Variants in JAK1 observed in about 807,000 individuals in gnomAD.
The protein encoded by JAK1 is tyrosine-protein kinase JAK1.
JAK1 carries 16 observed loss-of-function variants against 136.6 expected under a neutral mutation model. That is an observed-to-expected ratio of 0.12 (90% CI 0.08 to 0.18). JAK1 has a LOEUF of 0.18. Ranked by LOEUF, JAK1 falls within the 10% of genes least tolerant of loss-of-function variation. The pLI, the probability that JAK1 is intolerant of heterozygous loss-of-function variation, is 1.00. For missense variants in JAK1, 859 were observed against 1,450.1 expected (o/e 0.59, Z 6.62); for synonymous variants, 492 against 519.5 (o/e 0.95, Z 0.72).
intron 1 of JAK1, among the ~76,000 whole-genome samples, chr1:64,898,777 A>T (rs1645063033): frequency 6.6e-6 from 1 of 152,210 alleles, no homozygotes; most frequent in Non-Finnish European, 1.5e-5. Context: ...AAGCTCTCTG[A>T]TGTATGTCCA....
chr1:64,894,178 C>T (rs1483249018), intron 1 of JAK1, among the ~76,000 whole-genome samples: 1 of 152,210 alleles, frequency 6.6e-6, no homozygotes, highest in Non-Finnish European at 1.5e-5. Context: ...CAGGACTGGA[C>T]TCCCAACTCT....
rs944169508 is a variant in JAK1, at chr1:64,866,975, G to A, written c.881C>T (p.Ser294Leu). The change falls in exon 7 of 25, where the codon TCA (serine) becomes TTA (leucine). Residue 294 changes from serine (S) to leucine (L), a missense_variant. Physicochemically the swap from Ser to Leu is moderately radical, Grantham distance 145. This residue lies in a region of JAK1 where 353 missense variants were observed against 494.0 expected (regional missense o/e 0.71). Transcript: ENST00000342505. ...EIFETSMLLI[S>L]SENEMNWFHS... is the part of the protein sequence containing the mutation. ...AAACCAATTCATCTCATTTTCTGAT[G>A]AAATCAGTAACATGGAAGTCTCAAA... 3 of 1,614,004 alleles carry A rather than the reference G, an allele frequency of 1.9e-6. No individual in the cohort carries two copies. In the African/African-American group the frequency reaches 4.0e-5, roughly 22 times the overall value.
At chr1:64,972,367 G>A (rs1646459931) in intron 2 of JAK1, 2 of 152,320 alleles carry the variant, frequency 1.3e-5, no homozygotes, top group Admixed American at 6.5e-5. Flanking sequence ...GCTTTTCAGG[G>A]CAGTGTAGAT....
At chr1:64,957,596 G>C (rs901621955) in intron 1 of JAK1, among the ~76,000 whole-genome samples, 2 of 151,860 alleles carry the variant, frequency 1.3e-5, no homozygotes, top group Non-Finnish European at 2.9e-5. Flanking sequence ...GGATCACGAG[G>C]TCAGGAGATC....
Position 64,860,929 on chromosome 1 carries a change from C to CGT in JAK1, c.1177-669_1177-668dup, listed in dbSNP as rs577274261. 7.7e-3 allele frequency among the ~76,000 whole-genome samples: 371 copies of CGT among 48,360 alleles called. 26 individuals carry two copies. Among genetic ancestry groups the CGT allele is most frequent in the South Asian group, 0.02 (31 of 1,550 alleles). 31.7% of individuals were successfully genotyped at this position (48,360 alleles called of 152,430 possible). A position where few individuals can be genotyped will look rare whatever the true frequency, so the allele number is the denominator to read the frequency against. On this transcript the variant is annotated intron_variant, in intron 8 of 24. Coordinates refer to ENST00000342505, the MANE Select transcript of JAK1 (RefSeq NM_002227.4). ...ATGCAGAGAAGCTGTCCCCTGGGTC[C>CGT]GTGTGTGTGTGTGTGTGTGTGTGTG...
rs1654594736 is a variant in JAK1, at chr1:64,837,952, G to A, written c.3120C>T (p.Asp1040=). 5 of 1,613,660 alleles carry A rather than the reference G, an allele frequency of 3.1e-6. No homozygotes were observed. The highest frequency in any genetic ancestry group is 4.2e-6 in the Non-Finnish European group (5 of 1,179,692). ...TDKEYYTVKD[D]RDSPVFWYAP... The stretch of plus-strand genomic sequence containing the variant: ...GTTACCAAAACACAGGGCTGTCCCG[G>A]TCATCCTTGACGGTGTAATACTCCT... Residue 1040 remains aspartate, a synonymous_variant, in exon 22 of 25, where the codon GAC becomes GAT. Coordinates refer to ENST00000342505, the MANE Select transcript of JAK1 (RefSeq NM_002227.4).
intron 2 of JAK1, among the ~76,000 whole-genome samples, chr1:64,981,231 G>A (rs948955481): frequency 5.3e-5 from 8 of 152,128 alleles, no homozygotes; most frequent in African/African-American, 1.7e-4. Flanking sequence ...GGGTTTTTTG[G>A]ACCTTTCTAA....
At chr1:65,054,612 T>C (rs1053584413) in intron 1 of JAK1, among the ~76,000 whole-genome samples, 5 of 152,112 alleles carry the variant, frequency 3.3e-5, no homozygotes, top group African/African-American at 4.8e-5. Flanking sequence ...TCAGGAGTGG[T>C]AGCATAACTC....
At chr1:65,048,999 G>C (rs1289397723) in intron 1 of JAK1, among the ~76,000 whole-genome samples, 2 of 152,192 alleles carry the variant, frequency 1.3e-5, no homozygotes, top group African/African-American at 4.8e-5. Context: ...CCACCCCTAA[G>C]GCAACGGGAT....
intron 2 of JAK1, among the ~76,000 whole-genome samples, chr1:64,975,929 G>C (rs1646494448): frequency 6.6e-6 from 1 of 152,312 alleles, no homozygotes; most frequent in South Asian, 2.1e-4. Context: ...AAGTGCCCTG[G>C]TGGCAGCAGT....
chr1:64,951,083 T>C (rs1646078040), intron 1 of JAK1, among the ~76,000 whole-genome samples: 1 of 152,244 alleles, frequency 6.6e-6, no homozygotes, highest in South Asian at 2.1e-4. Context: ...TTCAGGTTCA[T>C]GGTGGGCCTG....
At chr1:64,998,513 A>G (rs574731162) in intron 2 of JAK1, among the ~76,000 whole-genome samples, 1 of 152,348 alleles carries the variant, frequency 6.6e-6, no homozygotes, top group South Asian at 2.1e-4. Context: ...AGGAAACTGA[A>G]GTAATCTCTG....
chr1:64,898,504 A>AT (rs1645058904), intron 1 of JAK1, among the ~76,000 whole-genome samples: 1 of 152,228 alleles, frequency 6.6e-6, no homozygotes, highest in South Asian at 2.1e-4. Flanking sequence ...AATACAGCAA[A>AT]TGCACAAAAG....
intron 2 of JAK1, among the ~76,000 whole-genome samples, chr1:65,018,517 C>T (rs1646910137): frequency 6.6e-6 from 1 of 151,606 alleles, no homozygotes; most frequent in Non-Finnish European, 1.5e-5. Flanking sequence ...CACACACACA[C>T]GCTATCAGGA....
At chr1:64,997,903 G>C (rs930971188) in intron 2 of JAK1, among the ~76,000 whole-genome samples, 1 of 152,194 alleles carries the variant, frequency 6.6e-6, no homozygotes, top group Non-Finnish European at 1.5e-5. Context: ...AGACGAGACA[G>C]CCTCTCATCT....
In JAK1 at chr1:65,038,581, C is replaced by A. The variant is rs1231412489; in HGVS notation, c.-78+5899G>T. Among the ~76,000 whole-genome samples, 3 of 152,156 alleles carry A rather than the reference C, an allele frequency of 2.0e-5. No individual in the cohort carries two copies. In the East Asian group the frequency reaches 5.8e-4, roughly 29 times the overall value. The stretch of plus-strand genomic sequence containing the variant: ...GCACTGGGCCCCACAAATTATGTAG[C>A]CAGTCATGAAAATATTTCACATAAC... On this transcript the variant is annotated intron_variant, in intron 2 of 25. Transcript: ENST00000671954.
chr1:65,020,156 C>T (rs755419669), intron 2 of JAK1, among the ~76,000 whole-genome samples: 28 of 135,742 alleles, frequency 2.1e-4, no homozygotes, highest in African/African-American at 2.8e-4. Flanking sequence ...ACCCGGGAGG[C>T]GGAGGTTGCA....
intron 1 of JAK1, among the ~76,000 whole-genome samples, chr1:65,066,373 T>C (rs1648042106): frequency 6.6e-6 from 1 of 152,072 alleles, no homozygotes; most frequent in South Asian, 2.1e-4. Context: ...AAACAGACTC[T>C]CATGCCTATA....
intron 2 of JAK1, among the ~76,000 whole-genome samples, chr1:65,019,774 G>C (rs1364755992): frequency 6.6e-6 from 1 of 152,002 alleles, no homozygotes; most frequent in African/African-American, 2.4e-5. Flanking sequence ...AAATTAGCAA[G>C]GTGTGGTGGC....
Sources: gnomAD v4.1 joint callset for allele counts (sites outside exome capture counted in the v4.1 genomes callset) on GRCh38, gnomAD v4.1.1 for gene constraint, gnomAD v4.1.1 regional missense constraint, MANE v1.5 for transcripts, NCBI Gene and HGNC (gene_info 2026-07-23, HGNC 2026-07-21) for gene names.